MAPK4: variants seen among roughly 807,000 people sequenced by gnomAD.
MAPK4 encodes the protein Erk3-related.
Under a neutral mutation model 47.7 loss-of-function variants are expected in MAPK4, and 22 were observed. That is an observed-to-expected ratio of 0.46 (90% CI 0.33 to 0.66). The LOEUF (loss-of-function observed/expected upper bound fraction) is 0.66. Among genes scored for constraint, MAPK4 ranks in the 30% least tolerant of loss-of-function variants. The pLI is 0.02. For synonymous variants in MAPK4, 390 were observed against 365.7 expected (o/e 1.07, Z -0.76); for missense variants, 736 against 831.7 (o/e 0.88, Z 1.42).
At chr18:50,694,213 T>C (rs950481127) in intron 2 of MAPK4, among the ~76,000 whole-genome samples, 1 of 152,204 alleles carries the variant, frequency 6.6e-6, no homozygotes, top group Non-Finnish European at 1.5e-5. Context: ...CCCTCAAGGA[T>C]GCCACAATCT....
intron 1 of MAPK4, among the ~76,000 whole-genome samples, chr18:50,588,352 T>A (rs1269839047): frequency 6.6e-6 from 1 of 152,134 alleles, no homozygotes; most frequent in Non-Finnish European, 1.5e-5. Context: ...AGCTTGGGCT[T>A]CCTCACAGCA....
chr18:50,646,502 G>C (rs2042990634), intron 1 of MAPK4, among the ~76,000 whole-genome samples: 1 of 152,200 alleles, frequency 6.6e-6, no homozygotes, highest in Non-Finnish European at 1.5e-5. Context: ...ATGGAGCAGA[G>C]TGGCACCAAG....
intron 1 of MAPK4, among the ~76,000 whole-genome samples, chr18:50,637,026 C>T (rs147188911): frequency 3.3e-5 from 5 of 150,802 alleles, no homozygotes; most frequent in East Asian, 1.9e-4. Flanking sequence ...ATCCAAACCT[C>T]GGTTTCTTTG....
chr18:50,562,902 T>C (rs2042166448), intron 1 of MAPK4, among the ~76,000 whole-genome samples: 1 of 152,162 alleles, frequency 6.6e-6, no homozygotes, highest in South Asian at 2.1e-4. Context: ...CACATGGAAC[T>C]GTGGTTTTTC....
intron 1 of MAPK4, among the ~76,000 whole-genome samples, chr18:50,613,119 C>A (rs570011663): frequency 3.9e-5 from 6 of 152,134 alleles, no homozygotes; most frequent in Non-Finnish European, 8.8e-5. Flanking sequence ...TATAGTAGCC[C>A]CCCTGTATAA....
rs1908377022 is a variant in MAPK4 at position 50,678,030 on chromosome 18, C to T, written c.546+13526C>T. On this transcript the variant is annotated intron_variant, in intron 2 of 5. Coordinates refer to ENST00000400384, the MANE Select transcript of MAPK4 (RefSeq NM_002747.4). The surrounding 1 kb of genome is among the most constrained non-coding windows in gnomAD (Gnocchi z 4.2). ...AGGTACTAACTAGTGCCATGTGAGC[C>T]TAAGCAAGTTACTTAACCTCCCTCA... 6.6e-6 allele frequency among the ~76,000 whole-genome samples: 1 copy of T among 152,136 alleles called. No individual in the cohort carries two copies. Among genetic ancestry groups the T allele is most frequent in the African/African-American group, 2.4e-5 (1 of 41,430 alleles).
chr18:50,575,727 A>G (rs893116864), intron 1 of MAPK4, among the ~76,000 whole-genome samples: 25 of 149,898 alleles, frequency 1.7e-4, no homozygotes, highest in African/African-American at 6.1e-4. Flanking sequence ...TTTGTAAACT[A>G]TGCATCTGAC....
intron 2 of MAPK4, among the ~76,000 whole-genome samples, chr18:50,688,778 G>T (rs1427051763): frequency 6.6e-6 from 1 of 151,416 alleles, no homozygotes; most frequent in Non-Finnish European, 1.5e-5. Context: ...CTACAAATTG[G>T]GTTCAGTCTA....
At chr18:50,717,766 G>A (rs1343341739) in intron 3 of MAPK4, among the ~76,000 whole-genome samples, 1 of 152,192 alleles carries the variant, frequency 6.6e-6, no homozygotes, top group Non-Finnish European at 1.5e-5. Flanking sequence ...CTGGCCTGTT[G>A]TTCTTGTTCA....
intron 2 of MAPK4, among the ~76,000 whole-genome samples, chr18:50,681,228 G>A (rs1427758486): frequency 1.3e-5 from 2 of 152,014 alleles, no homozygotes; most frequent in African/African-American, 4.8e-5. Context: ...TGTCTATTTA[G>A]ACCCTTTGTT....
intron 1 of MAPK4, among the ~76,000 whole-genome samples, chr18:50,595,814 C>T (rs551594999): frequency 1.4e-4 from 21 of 152,112 alleles, no homozygotes; most frequent in African/African-American, 4.6e-4. Context: ...ACTGAAATTA[C>T]GTTAGCTGTG....
At position 50,709,876 on chromosome 18, in the gene MAPK4, A is replaced by AT. The variant is rs1388075644; in HGVS notation, c.547-5197dup. On this transcript the variant is annotated intron_variant, in intron 2 of 5. Transcript: ENST00000400384. Reference sequence around the variant, plus strand: ...GCCATGATTACTTCCTGGTCCTTACATTTTTTCCATATTAACATTTCATCT... The same window carrying AT: ...GCCATGATTACTTCCTGGTCCTTACATTTTTTTCCATATTAACATTTCATCT... Among the ~76,000 whole-genome samples, 4 of 152,146 alleles carry AT rather than the reference A, an allele frequency of 2.6e-5. No homozygotes were observed. In the East Asian group the frequency reaches 7.7e-4, roughly 29 times the overall value.
At chr18:50,709,178 G>A (rs1910217806) in intron 2 of MAPK4, among the ~76,000 whole-genome samples, 1 of 152,040 alleles carries the variant, frequency 6.6e-6, no homozygotes, top group Non-Finnish European at 1.5e-5. Context: ...GATTTCCACT[G>A]CTCCTCCACC....
At chr18:50,724,474 G>A (rs1318843630) in intron 4 of MAPK4, among the ~76,000 whole-genome samples, 4 of 152,266 alleles carry the variant, frequency 2.6e-5, no homozygotes, top group African/African-American at 7.2e-5. Context: ...CCCAAAGAGA[G>A]AAAAACCTGC....
rs562074259 is a variant in MAPK4 at position 50,673,361 on chromosome 18, C to T, written c.546+8857C>T. On this transcript the variant is annotated intron_variant, in intron 2 of 5. Transcript: ENST00000400384. ...CTGCTCACTCACCTGGTACTCCCCT[C>T]ACCATGAGAGCTGCCACCTCCTGTG... Among the ~76,000 whole-genome samples the T allele has an allele frequency of 3.9e-5, 6 of 152,380 alleles. No homozygotes were observed. In the East Asian group the frequency reaches 9.6e-4, roughly 24 times the overall value.
chr18:50,652,289 G>A (rs1443180637), intron 1 of MAPK4, among the ~76,000 whole-genome samples: 1 of 152,168 alleles, frequency 6.6e-6, no homozygotes, highest in African/African-American at 2.4e-5. Context: ...CGCTGGGAGA[G>A]GGATCACTTT....
chr18:50,713,972 C>T (rs1411418845), intron 2 of MAPK4, among the ~76,000 whole-genome samples: 1 of 152,174 alleles, frequency 6.6e-6, no homozygotes, highest in Non-Finnish European at 1.5e-5. Context: ...AGGTTTTAGA[C>T]ATTTAATAAA....
In MAPK4 at chr18:50,729,713, G is replaced by A; in HGVS notation, c.1623G>A (p.Val541=). The change falls in exon 6 of 6, where the codon GTG becomes GTA. Residue 541 remains valine (V), a synonymous_variant. Coordinates refer to ENST00000400384, the MANE Select transcript of MAPK4 (RefSeq NM_002747.4). ...CCAGCCCCCAGTTCGACCTGGACGT[G>A]TTCATCTCCCGCGCCCTGAAGCTCT... ...GGASPQFDLD[V]FISRALKLCT... The A allele has an allele frequency of 6.3e-7, 1 of 1,578,598 alleles. No individual in the cohort carries two copies. Among genetic ancestry groups the A allele is most frequent in the South Asian group, 1.2e-5 (1 of 86,064 alleles).
At chr18:50,635,271 A>T (rs1040578376) in intron 1 of MAPK4, among the ~76,000 whole-genome samples, 12 of 152,124 alleles carry the variant, frequency 7.9e-5, no homozygotes, top group Non-Finnish European at 4.4e-5. Context: ...CAGCATTTGC[A>T]TCCCCATATA....
Sources: gnomAD v4.1 joint callset for allele counts (sites outside exome capture counted in the v4.1 genomes callset) on GRCh38, gnomAD v4.1.1 for gene constraint, Gnocchi (gnomAD v3.1) non-coding constraint, MANE v1.5 for transcripts, NCBI Gene and HGNC (gene_info 2026-07-23, HGNC 2026-07-21) for gene names.